KLHL40: variants seen among roughly 807,000 people sequenced by gnomAD.
KLHL40 encodes the protein kelch-like protein 40.
In KLHL40, 44 loss-of-function variants were observed where a neutral mutation model predicts 49.7. The ratio of observed to expected loss-of-function variants is 0.89; its 90% CI spans 0.70 to 1.14. The LOEUF (loss-of-function observed/expected upper bound fraction) is 1.14. Ranked by LOEUF, KLHL40 falls within the 50% of genes most tolerant of loss-of-function variation. The pLI, the probability that KLHL40 is intolerant of heterozygous loss-of-function variation, is 0.00. For missense variants in KLHL40, 892 were observed against 850.3 expected (o/e 1.05, Z -0.61); for synonymous variants, 409 against 365.2 (o/e 1.12, Z -1.37).
chr3:42,691,117 C>T (rs1375306241), intron 5 of KLHL40, 112 bp downstream of exon 5: 19 of 1,124,074 alleles, frequency 1.7e-5, no homozygotes, highest in Non-Finnish European at 2.3e-5. Flanking sequence ...CAAAGCGGAT[C>T]CCTCTTCTAG....
chr3:42,692,122 G>A lies in KLHL40; in HGVS notation c.*129G>A. On this transcript the variant is annotated 3_prime_UTR_variant, in exon 6 of 6. Coordinates refer to ENST00000287777, the MANE Select transcript of KLHL40 (RefSeq NM_152393.4). ...CCTGGATCCAGTTATGGTGCCTCAG[G>A]GGCTGCGTCAGCCAAGGAAAGGGAA... 1 of 651,182 alleles carries A rather than the reference G, an allele frequency of 1.5e-6. No homozygotes were observed. The highest frequency in any genetic ancestry group is 1.8e-5 in the South Asian group (1 of 55,640). The allele number at this position is 651,182 out of a possible 1,614,324, so 40.3% of individuals were successfully genotyped here.
At chr3:42,690,181 C>G (rs907386698) in intron 4 of KLHL40, among the ~76,000 whole-genome samples, 1 of 152,176 alleles carries the variant, frequency 6.6e-6, no homozygotes, top group Non-Finnish European at 1.5e-5. Context: ...AGGGGCCAAG[C>G]TCCCTCAGGA....
rs1396647220 is a variant in KLHL40 at position 42,686,692 on chromosome 3, G to C, written c.1074G>C (p.Glu358Asp). The stretch of plus-strand genomic sequence containing the variant: ...ACCACGTCAGCCTGGTTACCAAGGA[G>C]AACCAGGTCTTCGTGGCTGGAGGCC... ...PKNHVSLVTK[E>D]NQVFVAGGLF... The change falls in exon 1 of 6, where the codon GAG becomes GAC. Residue 358 changes from glutamate to aspartate, a missense_variant. Glu to Asp is a conservative substitution (Grantham distance 45, BLOSUM62 2). Transcript: ENST00000287777. The C allele has an allele frequency of 6.2e-7, 1 of 1,613,766 alleles. No homozygotes were observed. The highest frequency in any genetic ancestry group is 1.3e-5 in the African/African-American group (1 of 75,062).
In KLHL40 at chr3:42,685,592, CCG is replaced by C; in HGVS notation, c.-25_-24del. On this transcript the variant is annotated 5_prime_UTR_variant, in exon 1 of 6. Coordinates refer to ENST00000287777, the MANE Select transcript of KLHL40 (RefSeq NM_152393.4). ...GGTACAGAGAGGAGCCCCCTTGGCA[CCG>C]CCACCGCACCCTAGGCCACCCACCA... 6.5e-7 allele frequency: 1 copy of C among 1,541,568 alleles called. No homozygotes were observed. The highest frequency in any genetic ancestry group is 8.8e-7 in the Non-Finnish European group (1 of 1,141,702).
Position 42,688,508 on chromosome 3 carries a change from T to A in KLHL40, c.1314-102T>A. ...AAGTTCCAGCAATGGATCTGACGCA[T>A]CTCGAATATGTGTTAGGTGGATGGG... On this transcript the variant is annotated intron_variant, in intron 2 of 5. Coordinates refer to ENST00000287777, the MANE Select transcript of KLHL40 (RefSeq NM_152393.4). This position sits in a 1 kb window ranked among gnomAD's most constrained non-coding sequence, Gnocchi z 4.2. The A allele has an allele frequency of 9.9e-7, 1 of 1,014,148 alleles. No homozygotes were observed. Among genetic ancestry groups the A allele is most frequent in the Non-Finnish European group, 1.5e-6 (1 of 661,702 alleles). The allele number at this position is 1,014,148 out of a possible 1,614,324, so 62.8% of individuals were successfully genotyped here.
At chr3:42,690,190 G>A (rs937437515) in intron 4 of KLHL40, among the ~76,000 whole-genome samples, 1 of 152,162 alleles carries the variant, frequency 6.6e-6, no homozygotes, top group African/African-American at 2.4e-5. Context: ...GCTCCCTCAG[G>A]AGAGAGAGTG....
chr3:42,686,612 G>A lies in KLHL40; in HGVS notation c.994G>A (p.Asp332Asn). The A allele has an allele frequency of 6.2e-7, 1 of 1,614,066 alleles. No homozygotes were observed. The highest frequency in any genetic ancestry group is 8.5e-7 in the Non-Finnish European group (1 of 1,180,040). The change falls in exon 1 of 6, where the codon GAT (aspartate) becomes AAT (asparagine). Residue 332 changes from aspartate to asparagine, a missense_variant. Physicochemically the swap from Asp to Asn is conservative, Grantham distance 23. Transcript: ENST00000287777. ...CAGTGAGGAGGGCGCTGTGGCCTACGATCCAGCAGCCAACGAGTGCTACTG... is the reference window on the plus strand; with the variant it reads ...CAGTGAGGAGGGCGCTGTGGCCTACAATCCAGCAGCCAACGAGTGCTACTG... The part of the protein sequence containing the change: ...MISEEGAVAY[D>N]PAANECYCAS...
At chr3:42,687,571 C>G (rs339702) in intron 1 of KLHL40, among the ~76,000 whole-genome samples, 121,719 of 152,038 alleles carry the variant, frequency 0.8, 49,491 homozygotes, top group East Asian at 1. Context: ...CTGTTTGTAA[C>G]TGGGGATATT....
chr3:42,686,031 G>C lies in KLHL40; in HGVS notation c.413G>C (p.Arg138Pro), dbSNP rs142285083. Residue 138 changes from arginine (R) to proline (P), a missense_variant, in exon 1 of 6, where the codon CGT becomes CCT. Transcript: ENST00000287777. Reference sequence around the variant, plus strand: ...CTCTCCAACTGCTTGGCCGTCTTCCGTCTCGGCCTCCTGCTCGACTGCGCG... The same window carrying C: ...CTCTCCAACTGCTTGGCCGTCTTCCCTCTCGGCCTCCTGCTCGACTGCGCG... ...LCLSNCLAVF[R>P]LGLLLDCARL... 523 of 1,608,934 alleles carry C rather than the reference G, an allele frequency of 3.3e-4. No homozygotes were observed. The highest frequency in any genetic ancestry group is 4.3e-4 in the Non-Finnish European group (512 of 1,179,954).
rs752175954 is a variant in KLHL40, at chr3:42,686,402, G to A, written c.784G>A (p.Glu262Lys). 1.9e-6 allele frequency: 3 copies of A among 1,613,674 alleles called. No homozygotes were observed. The highest frequency in any genetic ancestry group is 2.2e-5 in the East Asian group (1 of 44,884). Residue 262 changes from glutamate to lysine, a missense_variant, in exon 1 of 6, where the codon GAG becomes AAG. Physicochemically the swap from Glu to Lys is moderately conservative, Grantham distance 56 (BLOSUM62 1). Transcript: ENST00000287777. ...RKVQMVKDAHEGRITTLRKKK... is the reference protein window; with the variant it reads ...RKVQMVKDAHKGRITTLRKKK... ...GGTGCAGATGGTGAAGGATGCACAC[G>A]AGGGCCGCATCACCACGCTGCGGAA...
At chr3:42,691,243 T>C (rs1697360972) in intron 5 of KLHL40, among the ~76,000 whole-genome samples, 1 of 152,120 alleles carries the variant, frequency 6.6e-6, no homozygotes, top group African/African-American at 2.4e-5. Flanking sequence ...GCAGCAACAG[T>C]GTTGCAGATG....
At position 42,691,963 on chromosome 3, in the gene KLHL40, G is replaced by T. The variant is rs1411576700; in HGVS notation, c.1836G>T (p.Arg612=). The T allele has an allele frequency of 1.2e-6, 2 of 1,612,184 alleles. No homozygotes were observed. Among genetic ancestry groups the T allele is most frequent in the East Asian group, 4.5e-5 (2 of 44,868 alleles). Residue 612 remains arginine (R), a synonymous_variant, in exon 6 of 6, where the codon CGG becomes CGT. Transcript: ENST00000287777. The part of the protein sequence containing the change: ...YAAGATFLPV[R]LNVLCLTKM The stretch of plus-strand genomic sequence containing the variant: ...CAGGTGCCACCTTCCTACCAGTGCG[G>T]CTCAATGTGCTGTGCCTGACTAAGA...
chr3:42,685,717 C>T lies in KLHL40; in HGVS notation c.99C>T (p.Leu33=), dbSNP rs567980135. The change falls in exon 1 of 6, where the codon CTC becomes CTT. Residue 33 remains leucine (L), a synonymous_variant. Transcript: ENST00000287777. The part of the protein sequence containing the change: ...LKDMLDHGKF[L]DCVVRAGERE... ...ACATGCTGGACCATGGCAAGTTCCTCGACTGTGTGGTGCGGGCGGGCGAGC... is the reference window on the plus strand; with the variant it reads ...ACATGCTGGACCATGGCAAGTTCCTTGACTGTGTGGTGCGGGCGGGCGAGC... 9.9e-6 allele frequency: 16 copies of T among 1,613,168 alleles called. No individual in the cohort carries two copies. The African/African-American group carries it at 1.3e-4, about 13-fold the overall frequency.
Position 42,692,402 on chromosome 3 carries a change from G to T in KLHL40, c.*409G>T. The T allele has an allele frequency of 2.5e-6, 1 of 406,096 alleles. No individual in the cohort carries two copies. Among genetic ancestry groups the T allele is most frequent in the Non-Finnish European group, 4.5e-6 (1 of 220,260 alleles). The allele number at this position is 406,096 out of a possible 1,614,324, so 25.2% of individuals were successfully genotyped here. On this transcript the variant is annotated 3_prime_UTR_variant, in exon 6 of 6. Coordinates refer to ENST00000287777, the MANE Select transcript of KLHL40 (RefSeq NM_152393.4). Reference sequence around the variant, plus strand: ...GCAGATATGTCTCCTTCTTTAGGAAGAATAAAGTGCCTTCTGAGCAAGCAG... The same window carrying T: ...GCAGATATGTCTCCTTCTTTAGGAATAATAAAGTGCCTTCTGAGCAAGCAG...
rs1292866391 is a variant in KLHL40, at chr3:42,685,676, C to A, written c.58C>A (p.Gln20Lys). ...EQRLYQQTLL[Q>K]DGLKDMLDHG... ...GCGGTTGTACCAGCAGACGCTCCTGCAAGACGGGCTCAAAGACATGCTGGA... is the reference window on the plus strand; with the variant it reads ...GCGGTTGTACCAGCAGACGCTCCTGAAAGACGGGCTCAAAGACATGCTGGA... Residue 20 changes from glutamine (Q) to lysine (K), a missense_variant, in exon 1 of 6, where the codon CAA becomes AAA. Physicochemically the swap from Gln to Lys is moderately conservative, Grantham distance 53. Coordinates refer to ENST00000287777, the MANE Select transcript of KLHL40 (RefSeq NM_152393.4). 2 of 1,612,582 alleles carry A rather than the reference C, an allele frequency of 1.2e-6. No homozygotes were observed. The highest frequency in any genetic ancestry group is 8.5e-7 in the Non-Finnish European group (1 of 1,179,624).
intron 5 of KLHL40, 86 bp downstream of exon 5, chr3:42,691,091 C>A (rs998513617): frequency 2.6e-5 from 36 of 1,386,810 alleles, no homozygotes; most frequent in Non-Finnish European, 3.5e-5. Flanking sequence ...AGGCACTGGG[C>A]AAGCTCCTCT....
rs745319914 is a variant in KLHL40, at chr3:42,688,261, C to T, written c.1272C>T (p.Asp424=). 2.2e-5 allele frequency: 35 copies of T among 1,613,806 alleles called. No individual in the cohort carries two copies. Among genetic ancestry groups the T allele is most frequent in the Admixed American group, 5.0e-5 (3 of 59,990 alleles). The part of the protein sequence containing the change: ...IYVVGGREIK[D]GERCLDSVMC... ...TGGTCGGTGGCAGAGAGATCAAGGA[C>T]GGCGAGCGCTGCCTGGACTCGGTCA... is the stretch of plus-strand genomic sequence containing the variant. Residue 424 remains aspartate (D), a synonymous_variant, in exon 2 of 6, where the codon GAC becomes GAT. Coordinates refer to ENST00000287777, the MANE Select transcript of KLHL40 (RefSeq NM_152393.4). The surrounding 1 kb of genome is among the most constrained non-coding windows in gnomAD (Gnocchi z 4.2).
In KLHL40 at chr3:42,688,779, G is replaced by A; in HGVS notation, c.1421+62G>A. ...GTAGAATCTCCCAGAGGCTGTCAGG[G>A]GTTTGTCCTGGCTGCCCCGGCAGGT... On this transcript the variant is annotated intron_variant, in intron 3 of 5. Coordinates refer to ENST00000287777, the MANE Select transcript of KLHL40 (RefSeq NM_152393.4). This position sits in a 1 kb window ranked among gnomAD's most constrained non-coding sequence, Gnocchi z 4.2. 1 of 1,580,676 alleles carries A rather than the reference G, an allele frequency of 6.3e-7. No homozygotes were observed. Among genetic ancestry groups the A allele is most frequent in the East Asian group, 2.2e-5 (1 of 44,660 alleles).
Position 42,690,926 on chromosome 3 carries a change from C to G in KLHL40, c.1675C>G (p.Leu559Val). 6.2e-7 allele frequency: 1 copy of G among 1,613,826 alleles called. No individual in the cohort carries two copies. Among genetic ancestry groups the G allele is most frequent in the Non-Finnish European group, 8.5e-7 (1 of 1,179,790 alleles). Reference protein sequence around the residue: ...SLSLVSLVGTLYAIGGFATLE... With the variant: ...SLSLVSLVGTVYAIGGFATLE... Reference sequence around the variant, plus strand: ...CAGCCTGGTCAGCCTGGTGGGTACCCTCTATGCCATTGGTGGCTTTGCCAC... The same window carrying G: ...CAGCCTGGTCAGCCTGGTGGGTACCGTCTATGCCATTGGTGGCTTTGCCAC... The change falls in exon 5 of 6, where the codon CTC (leucine) becomes GTC (valine). Residue 559 changes from leucine to valine, a missense_variant. Transcript: ENST00000287777.
Sources: gnomAD v4.1 joint callset for allele counts (sites outside exome capture counted in the v4.1 genomes callset) on GRCh38, gnomAD v4.1.1 for gene constraint, Gnocchi (gnomAD v3.1) non-coding constraint, MANE v1.5 for transcripts, NCBI Gene and HGNC (gene_info 2026-07-23, HGNC 2026-07-21) for gene names.